AHCYL2: variants seen among roughly 807,000 people sequenced by gnomAD.
AHCYL2 encodes the protein adenosylhomocysteinase like 2, also known as S-adenosylhomocysteine hydrolase-like protein 2.
In AHCYL2, 28 loss-of-function variants were observed where a neutral mutation model predicts 81.4. That is an observed-to-expected ratio of 0.34 (90% CI 0.25 to 0.47). AHCYL2 has a LOEUF of 0.47. AHCYL2 is among the 20% of genes least tolerant of loss of function. The pLI, the probability that AHCYL2 is intolerant of heterozygous loss-of-function variation, is 1.00. For synonymous variants in AHCYL2, 272 were observed against 290.2 expected (o/e 0.94, Z 0.64); for missense variants, 551 against 785.1 (o/e 0.70, Z 3.56).
chr7:129,373,283 C>T lies in AHCYL2; in HGVS notation c.364-6355C>T, dbSNP rs555886229. 3.3e-5 allele frequency among the ~76,000 whole-genome samples: 5 copies of T among 152,144 alleles called. No homozygotes were observed. The South Asian group carries it at 6.2e-4, about 19-fold the overall frequency. On this transcript the variant is annotated intron_variant, in intron 1 of 16. Transcript: ENST00000325006. ...CTTATTGGCTGTGTGCGGCGGCTCA[C>T]GCCTGTAATCCCAGCACTTTGGGAG...
At chr7:129,394,936 C>T (rs1795653555) in intron 4 of AHCYL2, among the ~76,000 whole-genome samples, 1 of 151,950 alleles carries the variant, frequency 6.6e-6, no homozygotes, top group Non-Finnish European at 1.5e-5. Context: ...TTTATATCTC[C>T]TGTCTGATCA....
chr7:129,260,025 G>A (rs1429208565), intron 1 of AHCYL2, among the ~76,000 whole-genome samples: 1 of 149,730 alleles, frequency 6.7e-6, no homozygotes, highest in African/African-American at 2.5e-5. Context: ...GCAGTGAGCC[G>A]AGATCATGCC....
intron 1 of AHCYL2, among the ~76,000 whole-genome samples, chr7:129,312,138 G>T (rs143826776): frequency 6.6e-6 from 1 of 152,008 alleles, no homozygotes; most frequent in Non-Finnish European, 1.5e-5. Flanking sequence ...AGGCTGGAGT[G>T]CAGTGGCGTG....
chr7:129,389,074 G>C lies in AHCYL2; in HGVS notation c.494G>C (p.Ser165Thr), dbSNP rs1368354754. The C allele has an allele frequency of 3.7e-6, 6 of 1,613,454 alleles. No homozygotes were observed. Among genetic ancestry groups the C allele is most frequent in the Non-Finnish European group, 5.1e-6 (6 of 1,179,830 alleles). Residue 165 changes from serine (S) to threonine (T), a missense_variant, in exon 3 of 17, where the codon AGC becomes ACC. By Grantham distance (58) the Ser-to-Thr change is moderately conservative. Around this residue, in one of 2 missense-constraint regions of AHCYL2, gnomAD observed 235 missense variants for 242.1 expected, o/e 0.97. Transcript: ENST00000325006. ...ATTCCAGCGGCTTCATATACAGATA[G>C]CTCTGATGATGAGACATCGCCCAGG... ...SYSSAASYTD[S>T]SDDETSPRDK...
At chr7:129,332,392 TAATTG>T (rs1798452929) in intron 1 of AHCYL2, among the ~76,000 whole-genome samples, 1 of 152,368 alleles carries the variant, frequency 6.6e-6, no homozygotes, top group Admixed American at 6.5e-5. Flanking sequence ...AAGTTGCATG[TAATTG>T]CCTCTTGGCA....
At chr7:129,228,917 G>T (rs1326171440) in intron 1 of AHCYL2, among the ~76,000 whole-genome samples, 1 of 152,194 alleles carries the variant, frequency 6.6e-6, no homozygotes, top group African/African-American at 2.4e-5. Flanking sequence ...TAATTATAGA[G>T]TACTAAAATG....
At chr7:129,276,969 C>T (rs1041563223) in intron 1 of AHCYL2, among the ~76,000 whole-genome samples, 1 of 151,970 alleles carries the variant, frequency 6.6e-6, no homozygotes, top group Non-Finnish European at 1.5e-5. Flanking sequence ...CTAAATTGTA[C>T]AGCTTAGATA....
chr7:129,389,033 T>G (rs750905488), intron 2 of AHCYL2, 23 bp from the exon 3 acceptor site: 4 of 1,586,604 alleles, frequency 2.5e-6, no homozygotes, highest in East Asian at 2.2e-5. Flanking sequence ...TTTTTCCGAG[T>G]GTTTTTTATT....
intron 2 of AHCYL2, among the ~76,000 whole-genome samples, chr7:129,386,171 G>T (rs1295922160): frequency 6.6e-6 from 1 of 151,860 alleles, no homozygotes. Flanking sequence ...CCGTATAAAG[G>T]GCTCTTTGAG....
intron 2 of AHCYL2, among the ~76,000 whole-genome samples, chr7:129,380,233 G>T (rs1794894326): frequency 6.6e-6 from 1 of 152,116 alleles, no homozygotes; most frequent in Middle Eastern, 3.2e-3. Flanking sequence ...TGTGACATTG[G>T]ACTTCTTGTT....
intron 1 of AHCYL2, among the ~76,000 whole-genome samples, chr7:129,273,435 T>C (rs1038272407): frequency 1.4e-5 from 2 of 142,202 alleles, no homozygotes; most frequent in African/African-American, 5.2e-5. Flanking sequence ...TTCAAGCAAT[T>C]CTCCTGCCTC....
At chr7:129,334,550 G>A (rs928776050) in intron 1 of AHCYL2, among the ~76,000 whole-genome samples, 1 of 152,154 alleles carries the variant, frequency 6.6e-6, no homozygotes. Context: ...CTTGCCGGAA[G>A]CTCTGTGAAA....
chr7:129,251,253 T>G (rs928039549), intron 1 of AHCYL2, among the ~76,000 whole-genome samples: 7 of 151,522 alleles, frequency 4.6e-5, no homozygotes, highest in South Asian at 2.1e-4. Flanking sequence ...AATTGTAAAC[T>G]CTACAGGACT....
rs1796335986 is a variant in AHCYL2, at chr7:129,406,974, A to G, written c.1295+508A>G. Among the ~76,000 whole-genome samples, 1 of 152,226 alleles carries G rather than the reference A, an allele frequency of 6.6e-6. No individual in the cohort carries two copies. The highest frequency in any genetic ancestry group is 1.5e-5 in the Non-Finnish European group (1 of 68,044). On this transcript the variant is annotated intron_variant, in intron 10 of 16. Transcript: ENST00000325006. The surrounding 1 kb of genome is among the most constrained non-coding windows in gnomAD (Gnocchi z 4.3). ...TTCTTAAGTTTGAAATGATTCTAAA[A>G]TTAAAAGTTAAAACTTTTCTTATCT...
At chr7:129,260,371 A>G (rs1258437354) in intron 1 of AHCYL2, among the ~76,000 whole-genome samples, 1 of 152,224 alleles carries the variant, frequency 6.6e-6, no homozygotes, top group African/African-American at 2.4e-5. Context: ...TAAAATGTAT[A>G]CAAGTGTGAT....
At chr7:129,248,996 C>CTTT (rs34696153) in intron 1 of AHCYL2, among the ~76,000 whole-genome samples, 21 of 126,364 alleles carry the variant, frequency 1.7e-4, no homozygotes, top group South Asian at 2.5e-4. Flanking sequence ...TAACAATAAA[C>CTTT]TTTTTTTTTT....
At chr7:129,405,755 A>G in intron 8 of AHCYL2, 81 bp from the exon 9 acceptor site, 2 of 1,331,586 alleles carry the variant, frequency 1.5e-6, no homozygotes, top group East Asian at 2.4e-5. Context: ...AAAAAACCCC[A>G]TGAAAACAAA....
chr7:129,399,486 G>C (rs1232939306), intron 5 of AHCYL2, among the ~76,000 whole-genome samples: 1 of 151,942 alleles, frequency 6.6e-6, no homozygotes, highest in Admixed American at 6.6e-5. Context: ...TTCCTTGAGA[G>C]CTCATTTCCA....
chr7:129,373,734 C>T (rs961503563), intron 1 of AHCYL2, among the ~76,000 whole-genome samples: 5 of 152,176 alleles, frequency 3.3e-5, no homozygotes. Flanking sequence ...TGACTTAAGT[C>T]ATTGGACCAA....
Sources: allele counts gnomAD v4.1 joint callset (sites outside exome capture counted in the v4.1 genomes callset), GRCh38; gene constraint gnomAD v4.1.1; regional missense constraint gnomAD v4.1.1; non-coding constraint Gnocchi (gnomAD v3.1); transcripts MANE v1.5; gene names NCBI Gene and HGNC (gene_info 2026-07-23, HGNC 2026-07-21).